Variants in GAS7 observed in about 807,000 individuals in gnomAD.
GAS7 encodes the protein growth arrest specific 7.
A neutral mutation model predicts 71.1 loss-of-function variants in GAS7; 28 were observed. The ratio of observed to expected loss-of-function variants is 0.39; its 90% CI spans 0.29 to 0.54. The LOEUF (loss-of-function observed/expected upper bound fraction) is 0.54, where lower values mean the gene tolerates loss of function less well. GAS7 is among the 20% of genes least tolerant of loss of function. The pLI is 0.62. For missense variants in GAS7, 436 were observed against 627.8 expected, an observed-to-expected ratio of 0.69 and a Z score of 3.27; for synonymous variants, 258 against 245.8, an observed-to-expected ratio of 1.05 and a Z score of -0.46.
intron 2 of GAS7, among the ~76,000 whole-genome samples, chr17:9,984,476 A>G (rs1049755538): frequency 2.8e-4 from 43 of 152,178 alleles, no homozygotes; most frequent in African/African-American, 9.4e-4. Context: ...TAAACCAGAC[A>G]GTAGTAGGGT....
Position 10,034,233 on chromosome 17 carries a change from C to T in GAS7, c.184-14336G>A. ...CTCTGCTGGGAGGCCTCAATTGCTT[C>T]ATCTCTAAAACACGGAAGTTGGACC... On this transcript the variant is annotated intron_variant, in intron 1 of 13. Transcript: ENST00000432992. This position sits in a 1 kb window ranked among gnomAD's most constrained non-coding sequence, Gnocchi z 4.4. The T allele has an allele frequency of 1.0e-6, 1 of 985,084 alleles. No individual in the cohort carries two copies. Among genetic ancestry groups the T allele is most frequent in the Non-Finnish European group, 1.2e-6 (1 of 829,650 alleles). 61.0% of individuals were successfully genotyped at this position (985,084 alleles called of 1,614,324 possible).
chr17:10,016,242 A>G (rs111413245), intron 2 of GAS7, among the ~76,000 whole-genome samples: 54,392 of 151,832 alleles, frequency 0.36, 11,810 homozygotes, highest in African/African-American at 0.62. Flanking sequence ...AAAATTAGCC[A>G]GGTGTGGTGG....
rs1253647761 is a variant in GAS7 at position 10,106,603 on chromosome 17, T to G, written c.184-86706A>C. ...GACCTTCAACATGAATAGCTCAACCTCTCTTCATCCTCGCTCCCACCCACA... is the reference window on the plus strand; with the variant it reads ...GACCTTCAACATGAATAGCTCAACCGCTCTTCATCCTCGCTCCCACCCACA... On this transcript the variant is annotated intron_variant, in intron 1 of 13. Coordinates refer to ENST00000432992, the MANE Select transcript of GAS7 (RefSeq NM_201433.2). Among the ~76,000 whole-genome samples the G allele has an allele frequency of 2.6e-5, 4 of 152,228 alleles. No homozygotes were observed. The East Asian group carries it at 7.7e-4, about 29-fold the overall frequency.
rs1281159049 is a variant in GAS7, at chr17:10,173,183, G to A, written c.183+25025C>T. 2.0e-5 allele frequency among the ~76,000 whole-genome samples: 3 copies of A among 150,994 alleles called. 1 individual carries two copies. The highest frequency in any genetic ancestry group is 4.5e-5 in the Non-Finnish European group (3 of 67,098). On this transcript the variant is annotated intron_variant, in intron 1 of 13. Coordinates refer to ENST00000432992, the MANE Select transcript of GAS7 (RefSeq NM_201433.2). The stretch of plus-strand genomic sequence containing the variant: ...TCGCCTGATGCTGGGGGCGGGCGAA[G>A]GGAGGAGAATGGGGAGTGGCTGCTT...
At chr17:10,009,053 G>C (rs2071649876) in intron 2 of GAS7, among the ~76,000 whole-genome samples, 1 of 152,004 alleles carries the variant, frequency 6.6e-6, no homozygotes, top group South Asian at 2.1e-4. Context: ...GGGCGCGGTG[G>C]CTCACGCCTG....
At chr17:10,122,567 A>T (rs2073913523) in intron 1 of GAS7, among the ~76,000 whole-genome samples, 1 of 152,174 alleles carries the variant, frequency 6.6e-6, no homozygotes, top group Non-Finnish European at 1.5e-5. Flanking sequence ...TGCTGGTTTG[A>T]TTAACAGCCA....
At chr17:10,136,550 G>A (rs1379713915) in intron 1 of GAS7, among the ~76,000 whole-genome samples, 1 of 152,140 alleles carries the variant, frequency 6.6e-6, no homozygotes, top group African/African-American at 2.4e-5. Context: ...AATCCAGACA[G>A]CACCTCCTGC....
At chr17:10,123,817 A>G (rs933958095) in intron 1 of GAS7, among the ~76,000 whole-genome samples, 7 of 152,210 alleles carry the variant, frequency 4.6e-5, no homozygotes, top group African/African-American at 7.2e-5. Context: ...AGAGCCCTGG[A>G]ACAGCTGATT....
chr17:9,939,771 G>A (rs1390682873), intron 8 of GAS7, among the ~76,000 whole-genome samples: 1 of 152,222 alleles, frequency 6.6e-6, no homozygotes, highest in South Asian at 2.1e-4. Flanking sequence ...CACCATGCCC[G>A]GCTAATTCTT....
intron 1 of GAS7, among the ~76,000 whole-genome samples, chr17:10,163,735 T>C (rs903733764): frequency 1.2e-4 from 18 of 152,074 alleles, no homozygotes; most frequent in African/African-American, 3.9e-4. Context: ...CCCCCAAGAC[T>C]TTCCCCATGG....
Position 10,153,334 on chromosome 17 carries a change from T to C in GAS7, c.183+44874A>G, listed in dbSNP as rs548360299. ...GGCCAAGAGACCAGCCTGGCCAATATGGTGAAACCCCATCTCTACTAAAAA... is the reference window on the plus strand; with the variant it reads ...GGCCAAGAGACCAGCCTGGCCAATACGGTGAAACCCCATCTCTACTAAAAA... On this transcript the variant is annotated intron_variant, in intron 1 of 13. Transcript: ENST00000432992. 8.5e-5 allele frequency among the ~76,000 whole-genome samples: 13 copies of C among 152,072 alleles called. No homozygotes were observed. The South Asian group carries it at 2.7e-3, about 31-fold the overall frequency.
At chr17:10,076,879 T>C (rs1041852126) in intron 1 of GAS7, among the ~76,000 whole-genome samples, 2 of 152,200 alleles carry the variant, frequency 1.3e-5, no homozygotes, top group Non-Finnish European at 2.9e-5. Context: ...TGGACTTGAC[T>C]AAACATCATG....
At chr17:10,129,644 A>T (rs2073980749) in intron 1 of GAS7, among the ~76,000 whole-genome samples, 1 of 152,238 alleles carries the variant, frequency 6.6e-6, no homozygotes, top group South Asian at 2.1e-4. Flanking sequence ...AATCAAAGGA[A>T]AAAATCGGTA....
intron 1 of GAS7, among the ~76,000 whole-genome samples, chr17:10,158,599 CA>C (rs926390531): frequency 3.3e-5 from 5 of 151,712 alleles, no homozygotes; most frequent in African/African-American, 1.2e-4. Flanking sequence ...GAAATGTTTC[CA>C]AAAAAATACG....
intron 1 of GAS7, among the ~76,000 whole-genome samples, chr17:10,121,945 T>C (rs531568197): frequency 6.6e-6 from 1 of 152,094 alleles, no homozygotes; most frequent in Admixed American, 6.5e-5. Context: ...CTTTGGAAGG[T>C]AGTGGGCCCA....
intron 1 of GAS7, among the ~76,000 whole-genome samples, chr17:10,159,065 C>CATATATATATATATATATATATATAT (rs745794234): frequency 1.8e-3 from 106 of 59,896 alleles, no homozygotes; most frequent in African/African-American, 2.8e-3. Context: ...GTCTCTAAAA[C>CATATATATATATATATATATATATAT]ATATATATAT....
chr17:10,068,560 A>T (rs56377280), intron 1 of GAS7, among the ~76,000 whole-genome samples: 2,028 of 151,660 alleles, frequency 0.013, 24 homozygotes, highest in Non-Finnish European at 0.02. Flanking sequence ...GTTCAAGACC[A>T]GCCTAGACAA....
chr17:10,183,976 C>T (rs919913151), intron 1 of GAS7, among the ~76,000 whole-genome samples: 1 of 152,184 alleles, frequency 6.6e-6, no homozygotes, highest in Non-Finnish European at 1.5e-5. Context: ...GGGTTTCTGG[C>T]CGACCCTTGA....
At chr17:10,088,358 A>C (rs1056140840) in intron 1 of GAS7, among the ~76,000 whole-genome samples, 1 of 152,088 alleles carries the variant, frequency 6.6e-6, no homozygotes, top group African/African-American at 2.4e-5. Flanking sequence ...ATAGAGGGGC[A>C]GGTACAAAAC....
Sources: gnomAD v4.1 joint callset for allele counts (sites outside exome capture counted in the v4.1 genomes callset) on GRCh38, gnomAD v4.1.1 for gene constraint, Gnocchi (gnomAD v3.1) non-coding constraint, MANE v1.5 for transcripts, NCBI Gene and HGNC (gene_info 2026-07-23, HGNC 2026-07-21) for gene names.